GRID2: variants seen among roughly 807,000 people sequenced by gnomAD.
GRID2 encodes glutamate ionotropic receptor delta type subunit 2.
In GRID2, 33 loss-of-function variants were observed where a neutral mutation model predicts 114.8. The observed-to-expected ratio is 0.29, with a 90% confidence interval of 0.22 to 0.38. The LOEUF (loss-of-function observed/expected upper bound fraction) is 0.38, where lower values mean the gene tolerates loss of function less well. Ranked by LOEUF, GRID2 falls within the 10% of genes least tolerant of loss-of-function variation. The pLI, the probability that GRID2 is intolerant of heterozygous loss-of-function variation, is 1.00. For missense variants in GRID2, 1,184 were observed against 1,257.7 expected (o/e 0.94, Z 0.89); for synonymous variants, 505 against 449.9 (o/e 1.12, Z -1.55).
At chr4:93,008,196 A>G (rs1721762709) in intron 2 of GRID2, among the ~76,000 whole-genome samples, 1 of 152,106 alleles carries the variant, frequency 6.6e-6, no homozygotes, top group Non-Finnish European at 1.5e-5. Flanking sequence ...ACTCTCTGCA[A>G]AATTCTTCTA....
intron 2 of GRID2, among the ~76,000 whole-genome samples, chr4:93,041,053 A>C (rs978701759): frequency 2.6e-5 from 4 of 152,168 alleles, no homozygotes; most frequent in Admixed American, 6.6e-5. Flanking sequence ...GATTTCACAC[A>C]ACAGAATTTG....
chr4:93,477,641 A>G (rs1270168834), intron 11 of GRID2, among the ~76,000 whole-genome samples: 2 of 152,164 alleles, frequency 1.3e-5, no homozygotes, highest in Non-Finnish European at 2.9e-5. Context: ...CCCATAAAAA[A>G]GAACTTTGCT....
At chr4:92,701,491 T>C (rs1016931571) in intron 2 of GRID2, among the ~76,000 whole-genome samples, 5 of 152,180 alleles carry the variant, frequency 3.3e-5, no homozygotes, top group African/African-American at 1.2e-4. Flanking sequence ...AAATGAATTA[T>C]AGACCACAGG....
chr4:93,393,865 C>A (rs923184731), intron 8 of GRID2, among the ~76,000 whole-genome samples: 1 of 151,894 alleles, frequency 6.6e-6, no homozygotes, highest in African/African-American at 2.4e-5. Context: ...TTAAGGGGGA[C>A]AGAAAAGAAA....
chr4:93,606,131 G>A (rs1360696989), intron 13 of GRID2, among the ~76,000 whole-genome samples: 1 of 152,098 alleles, frequency 6.6e-6, no homozygotes, highest in Non-Finnish European at 1.5e-5. Flanking sequence ...GCTGGGCGTG[G>A]TGGCATGTGC....
chr4:93,018,200 T>G (rs1722949328), intron 2 of GRID2, among the ~76,000 whole-genome samples: 1 of 143,622 alleles, frequency 7.0e-6, no homozygotes, highest in South Asian at 2.2e-4. Flanking sequence ...ATTTTAATTT[T>G]AAGTTCCCAG....
At chr4:93,386,693 C>A (rs192154164) in intron 8 of GRID2, among the ~76,000 whole-genome samples, 73 of 152,136 alleles carry the variant, frequency 4.8e-4, no homozygotes, top group African/African-American at 1.7e-3. Context: ...TCAGGGAACC[C>A]CAAACAAAAA....
At chr4:92,544,466 T>C (rs1435184923) in intron 1 of GRID2, among the ~76,000 whole-genome samples, 1 of 152,150 alleles carries the variant, frequency 6.6e-6, no homozygotes, top group Non-Finnish European at 1.5e-5. Flanking sequence ...CGCCAGAGCA[T>C]TTATATACTC....
At chr4:93,573,392 C>A (rs888418167) in intron 13 of GRID2, among the ~76,000 whole-genome samples, 84 of 152,140 alleles carry the variant, frequency 5.5e-4, no homozygotes, top group African/African-American at 2.0e-3. Context: ...TGTATATCAT[C>A]TTTTTAAACA....
At chr4:92,696,815 A>T (rs1419792511) in intron 2 of GRID2, among the ~76,000 whole-genome samples, 2 of 152,166 alleles carry the variant, frequency 1.3e-5, no homozygotes, top group African/African-American at 2.4e-5. Flanking sequence ...AGATGATAGG[A>T]TATTCTACTA....
intron 2 of GRID2, among the ~76,000 whole-genome samples, chr4:92,925,575 C>A (rs1421405193): frequency 3.3e-5 from 5 of 151,904 alleles, no homozygotes; most frequent in Non-Finnish European, 7.4e-5. Flanking sequence ...TTGTGTCACC[C>A]AAACTAGATC....
intron 14 of GRID2, among the ~76,000 whole-genome samples, chr4:93,654,765 C>T (rs1001020179): frequency 4.5e-4 from 69 of 152,076 alleles, no homozygotes; most frequent in African/African-American, 1.5e-3. Context: ...GATAAGGAGC[C>T]GAATGAGAAA....
intron 8 of GRID2, among the ~76,000 whole-genome samples, chr4:93,294,762 G>A (rs556984022): frequency 6.6e-6 from 1 of 152,192 alleles, no homozygotes; most frequent in Non-Finnish European, 1.5e-5. Flanking sequence ...GTTTTGCCAT[G>A]TTGGCCAGGC....
At chr4:92,637,713 G>A (rs1258983168) in intron 2 of GRID2, among the ~76,000 whole-genome samples, 1 of 151,936 alleles carries the variant, frequency 6.6e-6, no homozygotes, top group Non-Finnish European at 1.5e-5. Context: ...GTGTTCTTTG[G>A]AGGGAAATTA....
At chr4:92,912,179 A>T (rs1304837208) in intron 2 of GRID2, among the ~76,000 whole-genome samples, 2 of 151,900 alleles carry the variant, frequency 1.3e-5, no homozygotes, top group South Asian at 2.1e-4. Flanking sequence ...AGGTTTTCCA[A>T]AGTAAAATGA....
At chr4:92,759,100 C>A (rs1737864350) in intron 2 of GRID2, among the ~76,000 whole-genome samples, 1 of 152,062 alleles carries the variant, frequency 6.6e-6, no homozygotes, top group African/African-American at 2.4e-5. Context: ...GGACGGGATT[C>A]TAGAAAAACC....
chr4:93,379,908 A>T (rs1396743398), intron 8 of GRID2, among the ~76,000 whole-genome samples: 1 of 152,116 alleles, frequency 6.6e-6, no homozygotes, highest in East Asian at 1.9e-4. Context: ...TTTGGATCCC[A>T]TAAAACTACC....
At chr4:93,736,328 A>G (rs1730922211) in intron 14 of GRID2, among the ~76,000 whole-genome samples, 1 of 150,430 alleles carries the variant, frequency 6.6e-6, no homozygotes, top group Non-Finnish European at 1.5e-5. Flanking sequence ...TACAAATTTT[A>G]ATTCATATCA....
intron 1 of GRID2, among the ~76,000 whole-genome samples, chr4:92,559,992 T>C (rs1015888191): frequency 1.3e-5 from 2 of 152,220 alleles, no homozygotes; most frequent in Non-Finnish European, 2.9e-5. Flanking sequence ...GAAAGGCATT[T>C]TCTTTACATT....
Sources: gnomAD v4.1 joint callset for allele counts (sites outside exome capture counted in the v4.1 genomes callset) on GRCh38, gnomAD v4.1.1 for gene constraint, MANE v1.5 for transcripts, NCBI Gene and HGNC (gene_info 2026-07-23, HGNC 2026-07-21) for gene names.